RBFOX1: variants seen among roughly 807,000 people sequenced by gnomAD.
RBFOX1 encodes RNA binding protein fox-1 homolog 1.
RBFOX1 carries 8 observed loss-of-function variants against 57.7 expected under a neutral mutation model. That is an observed-to-expected ratio of 0.14 (90% CI 0.08 to 0.25). The LOEUF (loss-of-function observed/expected upper bound fraction) is 0.25, where lower values mean the gene tolerates loss of function less well. RBFOX1 is among the 10% of genes least tolerant of loss of function. The pLI is 1.00. For synonymous variants in RBFOX1, 326 were observed against 222.4 expected, an observed-to-expected ratio of 1.47 and a Z score of -4.15; for missense variants, 611 against 548.5, an observed-to-expected ratio of 1.11 and a Z score of -1.14.
intron 2 of RBFOX1, among the ~76,000 whole-genome samples, chr16:6,591,476 C>T (rs1303467749): frequency 1.4e-4 from 21 of 151,978 alleles, no homozygotes; most frequent in Admixed American, 1.4e-3. Context: ...AAATGAAAAA[C>T]CTTTGTGTTA....
At chr16:6,400,913 G>T (rs570522583) in intron 2 of RBFOX1, among the ~76,000 whole-genome samples, 6 of 152,254 alleles carry the variant, frequency 3.9e-5, no homozygotes, top group Non-Finnish European at 7.4e-5. Context: ...AATCAGCATT[G>T]ATAGTACCTG....
intron 3 of RBFOX1, among the ~76,000 whole-genome samples, chr16:5,713,551 C>T (rs1020277478): frequency 5.3e-5 from 8 of 152,190 alleles, no homozygotes; most frequent in African/African-American, 1.9e-4. Flanking sequence ...AAGGATGCCT[C>T]TTTTAAGGTT....
intron 4 of RBFOX1, among the ~76,000 whole-genome samples, chr16:7,393,827 C>T (rs77888071): frequency 2.6e-5 from 4 of 152,254 alleles, no homozygotes; most frequent in African/African-American, 7.2e-5. Flanking sequence ...TCATGCCAGC[C>T]AAGTCCAAAC....
intron 1 of RBFOX1, among the ~76,000 whole-genome samples, chr16:6,211,825 TTTA>T (rs2097300233): frequency 1.3e-4 from 12 of 92,948 alleles, no homozygotes; most frequent in African/African-American, 3.7e-4. Flanking sequence ...ACATCTTTTA[TTTA>T]TTTATTTATT....
chr16:7,110,749 A>C (rs1025962548), intron 4 of RBFOX1, among the ~76,000 whole-genome samples: 2 of 152,186 alleles, frequency 1.3e-5, no homozygotes, highest in African/African-American at 4.8e-5. Context: ...GTTTTTCTTA[A>C]AATTGTGCAC....
chr16:6,403,196 A>G (rs2093145473), intron 2 of RBFOX1, among the ~76,000 whole-genome samples: 1 of 152,178 alleles, frequency 6.6e-6, no homozygotes, highest in African/African-American at 2.4e-5. Flanking sequence ...GCAGGCCTGT[A>G]TTCAAAATCT....
chr16:5,840,007 T>G lies in RBFOX1; in HGVS notation c.319-27296T>G, dbSNP rs545618001. On this transcript the variant is annotated intron_variant, in intron 3 of 19. Transcript: ENST00000641259. ...GTGTCTGCCACAAGCATCTACTGTG[T>G]GCCAGAGGCTGTGCTAGACTCTGGA... is the stretch of plus-strand genomic sequence containing the variant. Among the ~76,000 whole-genome samples the G allele has an allele frequency of 1.7e-4, 26 of 152,324 alleles. No homozygotes were observed. In the South Asian group the frequency reaches 5.0e-3, roughly 29 times the overall value.
At chr16:5,856,859 A>T (rs1597512121) in intron 3 of RBFOX1, among the ~76,000 whole-genome samples, 1 of 151,670 alleles carries the variant, frequency 6.6e-6, no homozygotes, top group Middle Eastern at 3.2e-3. Context: ...AGACCACTGA[A>T]ACTTTGTCCA....
At chr16:7,010,054 G>T (rs913049584) in intron 3 of RBFOX1, among the ~76,000 whole-genome samples, 4 of 151,946 alleles carry the variant, frequency 2.6e-5, no homozygotes, top group Middle Eastern at 3.2e-3. Flanking sequence ...GCACTCAAGA[G>T]GCCCTGGGAG....
intron 3 of RBFOX1, among the ~76,000 whole-genome samples, chr16:6,957,472 A>G (rs2153538589): frequency 6.6e-6 from 1 of 152,294 alleles, no homozygotes; most frequent in East Asian, 1.9e-4. Context: ...TAGACCATAT[A>G]GGGTAACTTC....
chr16:6,771,201 C>G (rs1056336738), intron 3 of RBFOX1, among the ~76,000 whole-genome samples: 2 of 152,088 alleles, frequency 1.3e-5, no homozygotes, highest in African/African-American at 4.8e-5. Context: ...CAGAAGAAAC[C>G]AACACTGCAA....
rs140674523 is a variant in RBFOX1 at position 7,675,546 on chromosome 16, A to G, written c.931-1228A>G. ...TTTGAATTGCTGTGCAAATGATAGC[A>G]TATTTACTCTGAAAGTTAACTGTGC... On this transcript the variant is annotated intron_variant, in intron 13 of 15. Coordinates refer to ENST00000550418, the MANE Select transcript of RBFOX1 (RefSeq NM_018723.4). 4.3e-4 allele frequency among the ~76,000 whole-genome samples: 65 copies of G among 152,352 alleles called. No individual in the cohort carries two copies. In the East Asian group the frequency reaches 0.01, roughly 24 times the overall value.
At chr16:6,417,681 T>G (rs1490790184) in intron 2 of RBFOX1, among the ~76,000 whole-genome samples, 1 of 146,444 alleles carries the variant, frequency 6.8e-6, no homozygotes, top group Non-Finnish European at 1.5e-5. Context: ...TGAGCCACCA[T>G]GTCTGGCCTT....
At chr16:5,379,453 G>T (rs1454905197) in intron 1 of RBFOX1, among the ~76,000 whole-genome samples, 1 of 152,014 alleles carries the variant, frequency 6.6e-6, no homozygotes, top group Non-Finnish European at 1.5e-5. Flanking sequence ...AAGTGTGTCT[G>T]AAAACATAAT....
intron 4 of RBFOX1, among the ~76,000 whole-genome samples, chr16:5,974,215 C>T (rs2060017108): frequency 6.6e-6 from 1 of 152,208 alleles, no homozygotes; most frequent in Non-Finnish European, 1.5e-5. Flanking sequence ...TCAACTGCTT[C>T]AGCTGTTCCT....
At chr16:5,837,566 G>C (rs1317156133) in intron 3 of RBFOX1, among the ~76,000 whole-genome samples, 1 of 150,536 alleles carries the variant, frequency 6.6e-6, no homozygotes, top group Admixed American at 6.6e-5. Context: ...GGAGGAGGTG[G>C]AAAAGCACCT....
At chr16:7,434,731 T>C (rs900391558) in intron 4 of RBFOX1, among the ~76,000 whole-genome samples, 4 of 116,094 alleles carry the variant, frequency 3.4e-5, no homozygotes, top group Non-Finnish European at 8.3e-5. Flanking sequence ...TGCCCTCTTG[T>C]TAACATTTTT....
At chr16:7,677,121 T>TCACATA (rs1423159871) in intron 14 of RBFOX1, among the ~76,000 whole-genome samples, 2 of 53,744 alleles carry the variant, frequency 3.7e-5, no homozygotes, top group African/African-American at 5.3e-5. Flanking sequence ...CGCACCTTGC[T>TCACATA]CACATACACA....
At chr16:7,619,845 A>G (rs1390828732) in intron 10 of RBFOX1, among the ~76,000 whole-genome samples, 1 of 152,208 alleles carries the variant, frequency 6.6e-6, no homozygotes, top group South Asian at 2.1e-4. Flanking sequence ...GAAATGTGCC[A>G]AATTGGAGGA....
Sources: gnomAD v4.1 joint callset for allele counts (sites outside exome capture counted in the v4.1 genomes callset) on GRCh38, gnomAD v4.1.1 for gene constraint, MANE v1.5 for transcripts, NCBI Gene and HGNC (gene_info 2026-07-23, HGNC 2026-07-21) for gene names.